NAPA: variants seen among roughly 807,000 people sequenced by gnomAD.
NAPA encodes NSF attachment protein alpha, also known as alpha-soluble NSF attachment protein.
In NAPA, 18 loss-of-function variants were observed where a neutral mutation model predicts 48.0. The observed-to-expected ratio is 0.38, with a 90% confidence interval of 0.26 to 0.56. NAPA has a LOEUF of 0.56. Ranked by LOEUF, NAPA falls within the 20% of genes least tolerant of loss-of-function variation. NAPA has a pLI of 0.77. For synonymous variants in NAPA, 152 were observed against 149.9 expected (o/e 1.01, Z -0.10); for missense variants, 315 against 385.0 (o/e 0.82, Z 1.52).
chr19:47,494,816 C>T (rs1568465549), intron 4 of NAPA, among the ~76,000 whole-genome samples: 1 of 150,866 alleles, frequency 6.6e-6, no homozygotes, highest in Non-Finnish European at 1.5e-5. Context: ...TTCACTCTGG[C>T]TCCAGTTGGC....
At chr19:47,500,809 C>G in intron 2 of NAPA, 60 bp from the exon 3 acceptor site, 2 of 1,313,640 alleles carry the variant, frequency 1.5e-6, no homozygotes, top group Non-Finnish European at 2.1e-6. Flanking sequence ...TATGAAGCCA[C>G]AGAGACACTG....
downstream of NAPA, among the ~76,000 whole-genome samples, chr19:47,485,490 C>G (rs1968045357): frequency 6.6e-6 from 1 of 152,180 alleles, no homozygotes; most frequent in Non-Finnish European, 1.5e-5. Flanking sequence ...GTATCATTTC[C>G]AGAAGACATG....
chr19:47,504,884 A>C (rs929892513), intron 1 of NAPA, among the ~76,000 whole-genome samples: 7 of 152,000 alleles, frequency 4.6e-5, no homozygotes, highest in Admixed American at 3.9e-4. Context: ...AAACAGCAAA[A>C]CCCCCCAAAA....
chr19:47,507,517 C>T (rs972603801), intron 1 of NAPA, among the ~76,000 whole-genome samples: 2 of 152,164 alleles, frequency 1.3e-5, no homozygotes, highest in East Asian at 1.9e-4. Flanking sequence ...GCCCCCATTT[C>T]GGGTCCTGGA....
At position 47,495,238 on chromosome 19, in the gene NAPA, C is replaced by T. The variant is rs79216260; in HGVS notation, c.342+312G>A. 1.4e-3 allele frequency: 592 copies of T among 413,538 alleles called. 3 individuals are homozygous for T. The highest frequency in any genetic ancestry group is 0.011 in the African/African-American group (535 of 49,842). The allele number at this position is 413,538 out of a possible 1,614,324, so 25.6% of individuals were successfully genotyped here. ...CGAACTCCTGTGCCCAAAAGATCCT[C>T]CCACCTCAGCCTCCCAACATGCCAG... On this transcript the variant is annotated intron_variant, in intron 4 of 10. Transcript: ENST00000263354.
chr19:47,496,767 C>A, intron 3 of NAPA: 1 of 430,862 alleles, frequency 2.3e-6, no homozygotes. Flanking sequence ...TGGACAGAGG[C>A]TCTTTGTCTC....
Position 47,500,700 on chromosome 19 carries a change from C to G in NAPA, c.228G>C (p.Gln76His). 6.2e-7 allele frequency: 1 copy of G among 1,612,060 alleles called. No homozygotes were observed. The highest frequency in any genetic ancestry group is 8.5e-7 in the Non-Finnish European group (1 of 1,179,116). ...AGCAGGTGGCTGCGTCGTGCTTGCT[C>G]TGGAGCTGCAGGTGCAGCTGTGCAG... ...CQAAQLHLQLQSKHDAATCFV... is the reference protein window; with the variant it reads ...CQAAQLHLQLHSKHDAATCFV... The change falls in exon 3 of 11, where the codon CAG (glutamine) becomes CAC (histidine). Residue 76 changes from glutamine to histidine, a missense_variant. Physicochemically the swap from Gln to His is conservative, Grantham distance 24. Coordinates refer to ENST00000263354, the MANE Select transcript of NAPA (RefSeq NM_003827.4).
downstream of NAPA, among the ~76,000 whole-genome samples, chr19:47,487,271 G>A (rs868085480): frequency 3.3e-5 from 5 of 152,166 alleles, no homozygotes; most frequent in East Asian, 1.9e-4. Flanking sequence ...TGGGAGATTC[G>A]GTGGGCTTCC....
Position 47,493,612 on chromosome 19 carries a change from G to A in NAPA, c.343-119C>T. The A allele has an allele frequency of 2.4e-6, 2 of 824,458 alleles. No homozygotes were observed. Among genetic ancestry groups the A allele is most frequent in the Non-Finnish European group, 4.1e-6 (2 of 484,896 alleles). 51.1% of individuals were successfully genotyped at this position (824,458 alleles called of 1,614,324 possible). A position where few individuals can be genotyped will look rare whatever the true frequency, so the allele number is the denominator to read the frequency against. The stretch of plus-strand genomic sequence containing the variant: ...CACGCCTGTGAGGAGGTATGAAGAA[G>A]ACCTGAGGTGTGAAGAAGATCGAGA... On this transcript the variant is annotated intron_variant, in intron 4 of 10. Transcript: ENST00000263354. This position sits in a 1 kb window ranked among gnomAD's most constrained non-coding sequence, Gnocchi z 6.4.
At chr19:47,491,032 C>T (rs1322044170) in intron 8 of NAPA, 176 bp from the exon 9 acceptor site, 2 of 549,030 alleles carry the variant, frequency 3.6e-6, no homozygotes, top group East Asian at 6.4e-5. Context: ...CGTAGCTGAG[C>T]TCAGCACCAG....
At chr19:47,505,928 C>T (rs982711908) in intron 1 of NAPA, among the ~76,000 whole-genome samples, 1 of 151,934 alleles carries the variant, frequency 6.6e-6, no homozygotes, top group African/African-American at 2.4e-5. Flanking sequence ...CTGCTGCACT[C>T]TGTCTTCCCT....
In NAPA at chr19:47,506,249, C is replaced by T. The variant is rs1016862448; in HGVS notation, c.99-2747G>A. On this transcript the variant is annotated intron_variant, in intron 1 of 10. Transcript: ENST00000263354. The surrounding 1 kb of genome is among the most constrained non-coding windows in gnomAD (Gnocchi z 4.0). ...CTGACCTCAAGTGGTCCACTCGCCT[C>T]GGCCTCCCAAAGTGCTGGGATTACA... Among the ~76,000 whole-genome samples the T allele has an allele frequency of 1.3e-5, 2 of 152,074 alleles. No homozygotes were observed. The highest frequency in any genetic ancestry group is 4.8e-5 in the African/African-American group (2 of 41,400).
chr19:47,502,549 C>T (rs753567840), intron 2 of NAPA, among the ~76,000 whole-genome samples: 1 of 152,158 alleles, frequency 6.6e-6, no homozygotes. Context: ...TTATTGTGCA[C>T]CTCTGCACCC....
At chr19:47,504,188 G>A (rs576522537) in intron 1 of NAPA, among the ~76,000 whole-genome samples, 1 of 152,042 alleles carries the variant, frequency 6.6e-6, no homozygotes, top group Non-Finnish European at 1.5e-5. Context: ...GAGCTCAAGA[G>A]TTCGAGACCA....
chr19:47,494,788 C>T (rs1458135828), intron 4 of NAPA, among the ~76,000 whole-genome samples: 1 of 151,494 alleles, frequency 6.6e-6, no homozygotes, highest in African/African-American at 2.4e-5. Flanking sequence ...GACAGGAGCC[C>T]CGGCCTGGGT....
intron 3 of NAPA, 78 bp downstream of exon 3, chr19:47,500,555 G>A (rs1356816329): frequency 1.6e-6 from 2 of 1,236,832 alleles, no homozygotes; most frequent in Non-Finnish European, 2.2e-6. Context: ...AGAGCCGCCA[G>A]GAAACCTGAG....
At chr19:47,496,779 G>A (rs1330422683) in intron 3 of NAPA, 2 of 443,008 alleles carry the variant, frequency 4.5e-6, no homozygotes, top group East Asian at 7.1e-5. Flanking sequence ...CTTTGTCTCA[G>A]GTCTGTGGCT....
intron 9 of NAPA, among the ~76,000 whole-genome samples, 187 bp downstream of exon 9, chr19:47,490,601 C>A (rs552286562): frequency 1.3e-5 from 2 of 151,724 alleles, no homozygotes; most frequent in South Asian, 4.2e-4. Flanking sequence ...TCCAGCACTC[C>A]CCGAGTTGTA....
intron 2 of NAPA, among the ~76,000 whole-genome samples, chr19:47,502,530 T>C (rs866212520): frequency 1.3e-5 from 2 of 152,152 alleles, no homozygotes; most frequent in Non-Finnish European, 2.9e-5. Flanking sequence ...AAAACGATGA[T>C]AATCAATTTT....
Sources: gnomAD v4.1 joint callset for allele counts (sites outside exome capture counted in the v4.1 genomes callset) on GRCh38, gnomAD v4.1.1 for gene constraint, Gnocchi (gnomAD v3.1) non-coding constraint, MANE v1.5 for transcripts, NCBI Gene and HGNC (gene_info 2026-07-23, HGNC 2026-07-21) for gene names.